The following SLC35D1 variants were observed in gnomAD, a reference collection of about 807,000 sequenced individuals.
The protein encoded by SLC35D1 is nucleotide sugar transporter SLC35D1.
Under a neutral mutation model 46.7 loss-of-function variants are expected in SLC35D1, and 31 were observed. That is an observed-to-expected ratio of 0.66 (90% CI 0.50 to 0.90). SLC35D1 has a LOEUF of 0.90. Among genes scored for constraint, SLC35D1 ranks in the 40% least tolerant of loss-of-function variants. The pLI, the probability that SLC35D1 is intolerant of heterozygous loss-of-function variation, is 0.00. For synonymous variants in SLC35D1, 195 were observed against 164.6 expected (o/e 1.18, Z -1.41); for missense variants, 397 against 426.2 (o/e 0.93, Z 0.60).
At chr1:66,982,013 C>T in the SLC35D1 span, 1 of 1,307,422 alleles carries the variant, frequency 7.6e-7, no homozygotes, top group African/African-American at 1.5e-5. Flanking sequence ...ATTAAACTTC[C>T]AGAGCAGAAA....
At chr1:67,034,429 A>G (rs1345643956) in intron 8 of SLC35D1, among the ~76,000 whole-genome samples, 1 of 152,094 alleles carries the variant, frequency 6.6e-6, no homozygotes, top group African/African-American at 2.4e-5. Flanking sequence ...TTTTAAGTTA[A>G]AGTATTTTAT....
Position 67,042,142 on chromosome 1 carries a change from A to C in SLC35D1, c.729+94T>G, listed in dbSNP as rs1042363090. ...CTCAGTTTTTGGTCACTTAATAAGC[A>C]TATTTCTTTTGAACAACAAAGCCTA... On this transcript the variant is annotated intron_variant, in intron 8 of 11. Transcript: ENST00000235345. 5.8e-6 allele frequency: 7 copies of C among 1,200,328 alleles called. No homozygotes were observed. In the African/African-American group the frequency reaches 7.6e-5, roughly 13 times the overall value. The allele number at this position is 1,200,328 out of a possible 1,614,324, so 74.4% of individuals were successfully genotyped here. A position where few individuals can be genotyped will look rare whatever the true frequency, so the allele number is the denominator to read the frequency against.
At chr1:67,019,302 T>C (rs142496435) in intron 10 of SLC35D1, among the ~76,000 whole-genome samples, 3 of 152,254 alleles carry the variant, frequency 2.0e-5, no homozygotes, top group East Asian at 3.9e-4. Context: ...AACCAAAACA[T>C]ACCTAGAGCT....
chr1:67,030,150 T>G (rs1667989207), intron 8 of SLC35D1, among the ~76,000 whole-genome samples: 8 of 152,196 alleles, frequency 5.3e-5, no homozygotes, highest in Admixed American at 5.2e-4. Flanking sequence ...CCTGGTGTCT[T>G]GTACCACCTC....
At position 67,053,675 on chromosome 1, in the gene SLC35D1, C is replaced by T. The variant is rs549270958; in HGVS notation, c.203+136G>A. 456 of 851,348 alleles carry T rather than the reference C, an allele frequency of 5.4e-4. 7 individuals carry two copies. The South Asian group carries it at 0.015, about 29-fold the overall frequency. The allele number at this position is 851,348 out of a possible 1,614,324, so 52.7% of individuals were successfully genotyped here. ...CCGCTGCCCGGGCCGCGCGCGTCAGCCGCCCGCCCTCCCCAGCTCCCGCCC... is the reference window on the plus strand; with the variant it reads ...CCGCTGCCCGGGCCGCGCGCGTCAGTCGCCCGCCCTCCCCAGCTCCCGCCC... On this transcript the variant is annotated intron_variant, in intron 1 of 11. Transcript: ENST00000235345.
rs559976785 is a variant in SLC35D1, at chr1:67,004,072, C to T, written c.*268G>A. 59 of 382,790 alleles carry T rather than the reference C, an allele frequency of 1.5e-4. No individual in the cohort carries two copies. The highest frequency in any genetic ancestry group is 2.6e-4 in the South Asian group (10 of 39,158). The allele number at this position is 382,790 out of a possible 1,614,324, so 23.7% of individuals were successfully genotyped here. ...TTTCAAAACACTGATGTTTCACTGT[C>T]GGCATATAAGAAAAATAAATTAAAA... is the stretch of plus-strand genomic sequence containing the variant. On this transcript the variant is annotated 3_prime_UTR_variant, in exon 12 of 12. Transcript: ENST00000235345.
At chr1:66,983,262 AGTC>A in the SLC35D1 span, among the ~76,000 whole-genome samples, 3 of 152,320 alleles carry the variant, frequency 2.0e-5, no homozygotes, top group South Asian at 2.1e-4. Flanking sequence ...ACCTAATCAC[AGTC>A]GTCAGCTAGC....
chr1:67,022,361 G>A (rs1481081811), intron 8 of SLC35D1, among the ~76,000 whole-genome samples: 1 of 152,142 alleles, frequency 6.6e-6, no homozygotes, highest in African/African-American at 2.4e-5. Context: ...TGGCACCAGG[G>A]CTCCAACAAT....
At chr1:67,046,911 C>T (rs1645257512) in intron 7 of SLC35D1, among the ~76,000 whole-genome samples, 1 of 152,088 alleles carries the variant, frequency 6.6e-6, no homozygotes, top group African/African-American at 2.4e-5. Context: ...CCCTTCAAGT[C>T]TGCCCAAAGG....
intron 8 of SLC35D1, among the ~76,000 whole-genome samples, chr1:67,031,555 A>G (rs1432018926): frequency 6.6e-6 from 1 of 152,206 alleles, no homozygotes; most frequent in Non-Finnish European, 1.5e-5. Flanking sequence ...GCCGCAAAAA[A>G]AAACAAAGGC....
At chr1:67,016,277 CTT>C (rs1667683718) in intron 10 of SLC35D1, among the ~76,000 whole-genome samples, 1 of 152,086 alleles carries the variant, frequency 6.6e-6, no homozygotes, top group African/African-American at 2.4e-5. Context: ...TATTCTAAGA[CTT>C]TTGTTTTCCA....
the SLC35D1 span, among the ~76,000 whole-genome samples, chr1:66,976,018 C>T: frequency 6.3e-3 from 959 of 152,102 alleles, 7 homozygotes; most frequent in African/African-American, 0.022. Context: ...GACTGAGTCT[C>T]ATTCTGTCAC....
chr1:67,024,510 A>C (rs1369206330), intron 8 of SLC35D1, among the ~76,000 whole-genome samples: 2 of 152,202 alleles, frequency 1.3e-5, no homozygotes, highest in African/African-American at 4.8e-5. Flanking sequence ...TAAATGGCAG[A>C]AATTTGTTGT....
At chr1:66,991,790 A>G in the SLC35D1 span, among the ~76,000 whole-genome samples, 1 of 142,400 alleles carries the variant, frequency 7.0e-6, no homozygotes, top group African/African-American at 3.1e-5. Flanking sequence ...CAAAATATTT[A>G]CAGCTTTTTT....
At chr1:67,046,255 T>C (rs12085184) in intron 7 of SLC35D1, among the ~76,000 whole-genome samples, 8,620 of 152,266 alleles carry the variant, frequency 0.057, 807 homozygotes, top group African/African-American at 0.2. Flanking sequence ...GCAAAGCCCC[T>C]GGCCAAGGCA....
the SLC35D1 span, chr1:66,973,136 T>G: frequency 1.9e-5 from 11 of 579,332 alleles, no homozygotes; most frequent in Admixed American, 3.5e-4. Flanking sequence ...GTAATTATAG[T>G]AAGGCTGCCT....
chr1:66,994,185 G>A, the SLC35D1 span, among the ~76,000 whole-genome samples: 2 of 152,214 alleles, frequency 1.3e-5, no homozygotes, highest in African/African-American at 2.4e-5. Context: ...GAAAGGTTCC[G>A]TTCACCTGAC....
rs1192273778 is a variant in SLC35D1, at chr1:67,004,282, C to T, written c.*58G>A. The T allele has an allele frequency of 6.4e-6, 9 of 1,399,270 alleles. No individual in the cohort carries two copies. Among genetic ancestry groups the T allele is most frequent in the East Asian group, 2.3e-5 (1 of 43,832 alleles). 86.7% of individuals were successfully genotyped at this position (1,399,270 alleles called of 1,614,324 possible). On this transcript the variant is annotated 3_prime_UTR_variant, in exon 12 of 12. Transcript: ENST00000235345. Reference sequence around the variant, plus strand: ...ACCTCAGTGTCTCTGTAGGAACTGCCAGTGTTCTGAGTTGATTAAAAACTT... The same window carrying T: ...ACCTCAGTGTCTCTGTAGGAACTGCTAGTGTTCTGAGTTGATTAAAAACTT...
At chr1:66,981,860 C>T in the SLC35D1 span, 1 of 1,614,064 alleles carries the variant, frequency 6.2e-7, no homozygotes, top group Middle Eastern at 1.6e-4. Flanking sequence ...CTGCATCAAA[C>T]AGTAGTAACA....
Sources: allele counts gnomAD v4.1 joint callset (sites outside exome capture counted in the v4.1 genomes callset), GRCh38; gene constraint gnomAD v4.1.1; transcripts MANE v1.5; gene names NCBI Gene and HGNC (gene_info 2026-07-23, HGNC 2026-07-21).